GLG1: variants seen among roughly 807,000 people sequenced by gnomAD.
GLG1 encodes Golgi apparatus protein 1.
A neutral mutation model predicts 160.5 loss-of-function variants in GLG1; 38 were observed. The observed-to-expected ratio is 0.24, with a 90% CI of 0.18 to 0.31. The LOEUF is 0.31. GLG1 is among the 10% of genes least tolerant of loss of function. The pLI is 1.00. For synonymous variants in GLG1, 644 were observed against 543.4 expected (o/e 1.19, Z -2.57); for missense variants, 1,373 against 1,505.2 (o/e 0.91, Z 1.45).
intron 4 of GLG1, among the ~76,000 whole-genome samples, chr16:74,502,935 G>A (rs994720299): frequency 5.3e-5 from 8 of 151,338 alleles, no homozygotes; most frequent in African/African-American, 1.7e-4. Context: ...GGCCGGGACC[G>A]GTGGCTCACG....
At chr16:74,580,941 C>A (rs530505397) in intron 1 of GLG1, among the ~76,000 whole-genome samples, 3 of 152,176 alleles carry the variant, frequency 2.0e-5, no homozygotes, top group African/African-American at 7.2e-5. Context: ...CCGTTGCACT[C>A]CAGCCTGGGC....
Position 74,460,011 on chromosome 16 carries a change from A to G in GLG1, c.3037-222T>C, listed in dbSNP as rs567504900. Among the ~76,000 whole-genome samples the G allele has an allele frequency of 3.2e-4, 46 of 144,966 alleles. No individual in the cohort carries two copies. The South Asian group carries it at 9.8e-3, about 31-fold the overall frequency. On this transcript the variant is annotated intron_variant, in intron 22 of 25. Transcript: ENST00000422840. ...GCTGGGACTACAGGCGCGTGCTACCATGCCTGGCTGATTTTTTTTTTTTTT... is the reference window on the plus strand; with the variant it reads ...GCTGGGACTACAGGCGCGTGCTACCGTGCCTGGCTGATTTTTTTTTTTTTT...
intron 1 of GLG1, among the ~76,000 whole-genome samples, chr16:74,588,925 C>CTT (rs869259739): frequency 1.4e-5 from 2 of 145,198 alleles, no homozygotes; most frequent in Non-Finnish European, 3.0e-5. Flanking sequence ...GACCAATATC[C>CTT]TTTTTTTTTT....
chr16:74,588,682 G>T (rs1180664330), intron 1 of GLG1, among the ~76,000 whole-genome samples: 1 of 151,950 alleles, frequency 6.6e-6, no homozygotes, highest in Non-Finnish European at 1.5e-5. Flanking sequence ...GCCTCCCAAA[G>T]TGCTCGGATT....
chr16:74,506,237 A>T (rs1232983309), intron 3 of GLG1, among the ~76,000 whole-genome samples: 1 of 151,942 alleles, frequency 6.6e-6, no homozygotes, highest in Non-Finnish European at 1.5e-5. Flanking sequence ...TTAATGAAAC[A>T]GAGAAACATT....
chr16:74,570,724 T>A (rs1327492400), intron 1 of GLG1, among the ~76,000 whole-genome samples: 4 of 152,126 alleles, frequency 2.6e-5, no homozygotes, highest in African/African-American at 9.7e-5. Context: ...AGTGGGACCC[T>A]GTCTCTATAA....
In GLG1 at chr16:74,459,339, G is replaced by A. The variant is rs182183780; in HGVS notation, c.3144+343C>T. Among the ~76,000 whole-genome samples the A allele has an allele frequency of 1.8e-3, 274 of 152,252 alleles. 2 individuals carry two copies. In the South Asian group the frequency reaches 0.025, roughly 14 times the overall value. On this transcript the variant is annotated intron_variant, in intron 23 of 25. Transcript: ENST00000422840. Reference sequence around the variant, plus strand: ...TAAAAATACAGAAAATTAGTCAGGCGTGGTGGCGGGCGCCTATAGTCCCAG... The same window carrying A: ...TAAAAATACAGAAAATTAGTCAGGCATGGTGGCGGGCGCCTATAGTCCCAG...
chr16:74,511,625 A>C (rs533011995), intron 2 of GLG1, among the ~76,000 whole-genome samples: 74 of 151,724 alleles, frequency 4.9e-4, no homozygotes, highest in African/African-American at 1.7e-3. Flanking sequence ...GAAAGAAAAG[A>C]AAAGCTTTCT....
intron 1 of GLG1, among the ~76,000 whole-genome samples, chr16:74,556,672 G>A (rs1406718992): frequency 6.6e-6 from 1 of 150,662 alleles, no homozygotes; most frequent in Non-Finnish European, 1.5e-5. Context: ...TGGCAGGTTG[G>A]AATAATATTA....
At chr16:74,490,012 T>C (rs563884793) in intron 8 of GLG1, among the ~76,000 whole-genome samples, 7 of 152,202 alleles carry the variant, frequency 4.6e-5, no homozygotes, top group South Asian at 2.1e-4. Flanking sequence ...AATAGACTGA[T>C]TGTGGCTTTC....
At chr16:74,509,709 C>G (rs968385775) in intron 2 of GLG1, among the ~76,000 whole-genome samples, 14 of 151,760 alleles carry the variant, frequency 9.2e-5, no homozygotes, top group Admixed American at 8.5e-4. Flanking sequence ...AATTAGCCGG[C>G]GTGGTGGCAG....
chr16:74,589,393 C>A (rs1958124113), intron 1 of GLG1, among the ~76,000 whole-genome samples: 1 of 152,096 alleles, frequency 6.6e-6, no homozygotes, highest in Non-Finnish European at 1.5e-5. Flanking sequence ...TAAAGCAGAC[C>A]TAGCTGGCAG....
Position 74,540,613 on chromosome 16 carries a change from C to G in GLG1, c.439-8460G>C, listed in dbSNP as rs370218682. On this transcript the variant is annotated intron_variant, in intron 1 of 25. Coordinates refer to ENST00000422840, the MANE Select transcript of GLG1 (RefSeq NM_001145667.2). ...CTGGGACTAAAAATCATCCCCATGACAGTCTACTATCTGAAAATTTTTTCC... is the reference window on the plus strand; with the variant it reads ...CTGGGACTAAAAATCATCCCCATGAGAGTCTACTATCTGAAAATTTTTTCC... 3.5e-3 allele frequency among the ~76,000 whole-genome samples: 538 copies of G among 151,642 alleles called. 1 individual carries two copies. The highest frequency in any genetic ancestry group is 0.013 in the African/African-American group (517 of 41,338).
At chr16:74,469,784 A>T in intron 16 of GLG1, 1 of 582,148 alleles carries the variant, frequency 1.7e-6, no homozygotes, top group Non-Finnish European at 3.1e-6. Flanking sequence ...AGCCTATGGG[A>T]CCTCCATGTG....
chr16:74,581,216 C>T (rs568922333), intron 1 of GLG1, among the ~76,000 whole-genome samples: 1 of 152,032 alleles, frequency 6.6e-6, no homozygotes, highest in Non-Finnish European at 1.5e-5. Flanking sequence ...GCATTATTCA[C>T]AAAAGCCAAA....
At chr16:74,517,169 T>C (rs1010337189) in intron 2 of GLG1, among the ~76,000 whole-genome samples, 8 of 152,130 alleles carry the variant, frequency 5.3e-5, no homozygotes, top group South Asian at 2.1e-4. Context: ...TTCCAATCAA[T>C]AGAAAAAGAG....
chr16:74,448,749 T>TC lies in GLG1; in HGVS notation c.*4417dup, dbSNP rs1555505502. ...CCTGGGCAACGAGTGAAACTGTGTC[T>TC]CAAAAGAAAAAAAAAAAAAAGGCCA... On this transcript the variant is annotated 3_prime_UTR_variant, in exon 26 of 26. Transcript: ENST00000422840. The TC allele has an allele frequency of 8.7e-5, 1 of 11,466 alleles. No homozygotes were observed. The highest frequency in any genetic ancestry group is 1.7e-4 in the Non-Finnish European group (1 of 5,984). 0.7% of individuals were successfully genotyped at this position (11,466 alleles called of 1,614,324 possible).
At chr16:74,513,853 AG>A (rs1370484312) in intron 2 of GLG1, among the ~76,000 whole-genome samples, 1 of 152,222 alleles carries the variant, frequency 6.6e-6, no homozygotes, top group African/African-American at 2.4e-5. Flanking sequence ...GAGCTTAACG[AG>A]CATGTTCTAA....
At chr16:74,484,101 G>GTGGT (rs1035659407) in intron 9 of GLG1, among the ~76,000 whole-genome samples, 1 of 151,766 alleles carries the variant, frequency 6.6e-6, no homozygotes, top group African/African-American at 2.4e-5. Flanking sequence ...TTTGCTTGAT[G>GTGGT]TGGTTATTTT....
Sources: gnomAD v4.1 joint callset for allele counts (sites outside exome capture counted in the v4.1 genomes callset) on GRCh38, gnomAD v4.1.1 for gene constraint, MANE v1.5 for transcripts, NCBI Gene and HGNC (gene_info 2026-07-23, HGNC 2026-07-21) for gene names.